The following ANKRD46 variants were observed in gnomAD, a reference collection of about 807,000 sequenced individuals.
ANKRD46 encodes ankyrin repeat domain 46.
A neutral mutation model predicts 19.8 loss-of-function variants in ANKRD46; 13 were observed. That is an observed-to-expected ratio of 0.66 (90% CI 0.43 to 1.04). The LOEUF (loss-of-function observed/expected upper bound fraction) is 1.04, where lower values mean the gene tolerates loss of function less well. ANKRD46 is among the 50% of genes least tolerant of loss of function. The pLI is 0.00. For missense variants in ANKRD46, 185 were observed against 274.8 expected (o/e 0.67, Z 2.31); for synonymous variants, 91 against 106.9 (o/e 0.85, Z 0.92).
intron 1 of ANKRD46, among the ~76,000 whole-genome samples, chr8:100,555,328 G>A (rs1056572927): frequency 8.7e-5 from 13 of 149,972 alleles, no homozygotes; most frequent in African/African-American, 2.7e-4. Flanking sequence ...AAGCAAAGAG[G>A]TGCACTAGAT....
intron 1 of ANKRD46, among the ~76,000 whole-genome samples, chr8:100,538,921 C>A (rs1421547237): frequency 6.6e-6 from 1 of 152,134 alleles, no homozygotes; most frequent in Non-Finnish European, 1.5e-5. Context: ...CATAATTTTA[C>A]TGAATTCCTT....
chr8:100,539,092 C>T (rs145224711), intron 1 of ANKRD46, among the ~76,000 whole-genome samples: 80 of 152,282 alleles, frequency 5.3e-4, no homozygotes, highest in African/African-American at 1.9e-3. Flanking sequence ...TTTACTGTGA[C>T]GTCAATCTTG....
downstream of ANKRD46, among the ~76,000 whole-genome samples, chr8:100,518,622 C>T (rs183411571): frequency 6.6e-6 from 1 of 152,096 alleles, no homozygotes; most frequent in African/African-American, 2.4e-5. Context: ...GAGGCCGAGG[C>T]GGGTGGATCA....
At position 100,558,728 on chromosome 8, in the gene ANKRD46, G is replaced by C. The variant is rs1031365219; in HGVS notation, c.-131+983C>G. ...CAGACGCAGGGATACTGAAGTAAGG[G>C]AGATGAGACCAAATCTCGCTCAGCC... is the stretch of plus-strand genomic sequence containing the variant. On this transcript the variant is annotated intron_variant, in intron 1 of 4. Transcript: ENST00000335659. Among the ~76,000 whole-genome samples, 3 of 152,214 alleles carry C rather than the reference G, an allele frequency of 2.0e-5. No individual in the cohort carries two copies. The East Asian group carries it at 5.8e-4, about 29-fold the overall frequency.
chr8:100,525,727 A>C lies in ANKRD46; in HGVS notation c.470+2118T>G, dbSNP rs139466698. On this transcript the variant is annotated intron_variant, in intron 4 of 4. Coordinates refer to ENST00000335659, the MANE Select transcript of ANKRD46 (RefSeq NM_001270377.2). This position sits in a 1 kb window ranked among gnomAD's most constrained non-coding sequence, Gnocchi z 4.4. ...ATTCATATATAAGTTTTGTGTGGAC[A>C]TATGTTTCAATTTTCTTTGGTATAT... is the stretch of plus-strand genomic sequence containing the variant. Among the ~76,000 whole-genome samples the C allele has an allele frequency of 5.8e-4, 88 of 152,318 alleles. 1 individual carries two copies. The highest frequency in any genetic ancestry group is 2.1e-3 in the African/African-American group (87 of 41,568).
Position 100,529,383 on chromosome 8 carries a change from G to T in ANKRD46, c.311+140C>A. 1 of 918,460 alleles carries T rather than the reference G, an allele frequency of 1.1e-6. No individual in the cohort carries two copies. The highest frequency in any genetic ancestry group is 1.6e-6 in the Non-Finnish European group (1 of 627,956). 56.9% of individuals were successfully genotyped at this position (918,460 alleles called of 1,614,324 possible). A position where few individuals can be genotyped will look rare whatever the true frequency, so the allele number is the denominator to read the frequency against. ...CCTCATTCCCTCACTTGCCTAACAG[G>T]ATTACACTGTCTTCAATGCTTTCTG... On this transcript the variant is annotated intron_variant, in intron 3 of 4. Transcript: ENST00000335659. The surrounding 1 kb of genome is among the most constrained non-coding windows in gnomAD (Gnocchi z 5.8).
downstream of ANKRD46, among the ~76,000 whole-genome samples, chr8:100,519,639 CAT>C (rs1291088803): frequency 2.0e-5 from 3 of 152,166 alleles, no homozygotes; most frequent in Admixed American, 2.0e-4. Context: ...GAAATAAAAA[CAT>C]AGAAACCAAA....
At position 100,545,826 on chromosome 8, in the gene ANKRD46, G is replaced by A. The variant is rs1812262719; in HGVS notation, c.-130-12515C>T. Among the ~76,000 whole-genome samples the A allele has an allele frequency of 6.6e-6, 1 of 152,190 alleles. No individual in the cohort carries two copies. The highest frequency in any genetic ancestry group is 6.5e-5 in the Admixed American group (1 of 15,274). On this transcript the variant is annotated intron_variant, in intron 1 of 4. Transcript: ENST00000335659. The surrounding 1 kb of genome is among the most constrained non-coding windows in gnomAD (Gnocchi z 4.7). ...CTGAGGTGGTCTCAGAAAGAGATGA[G>A]GGACTTTTTGGGAACTGGAGTAAAG...
chr8:100,512,383 T>G (rs1286511980), intron 5 of ANKRD46, among the ~76,000 whole-genome samples: 2 of 152,192 alleles, frequency 1.3e-5, no homozygotes, highest in Non-Finnish European at 2.9e-5. Flanking sequence ...CTCTTTCCAC[T>G]GGGGACTGGG....
At chr8:100,554,946 C>G (rs896387571) in intron 1 of ANKRD46, among the ~76,000 whole-genome samples, 1 of 147,212 alleles carries the variant, frequency 6.8e-6, no homozygotes, top group Non-Finnish European at 1.5e-5. Context: ...GCAGGAGAAT[C>G]GTTTGATGCA....
At chr8:100,542,613 C>T (rs577330936) in intron 1 of ANKRD46, among the ~76,000 whole-genome samples, 20 of 152,076 alleles carry the variant, frequency 1.3e-4, no homozygotes, top group Non-Finnish European at 2.5e-4. Context: ...CTAGGGGTAA[C>T]CTATTTTGGG....
At position 100,539,196 on chromosome 8, in the gene ANKRD46, T is replaced by G. The variant is rs548269582; in HGVS notation, c.-130-5885A>C. Among the ~76,000 whole-genome samples, 3 of 152,294 alleles carry G rather than the reference T, an allele frequency of 2.0e-5. No individual in the cohort carries two copies. In the South Asian group the frequency reaches 6.2e-4, roughly 32 times the overall value. On this transcript the variant is annotated intron_variant, in intron 1 of 4. Coordinates refer to ENST00000335659, the MANE Select transcript of ANKRD46 (RefSeq NM_001270377.2). ...TGGACTTAAGTTCCTTATTTCTCTATTTTTTGGAAAATTGTATTAGAAGGG... is the reference window on the plus strand; with the variant it reads ...TGGACTTAAGTTCCTTATTTCTCTAGTTTTTGGAAAATTGTATTAGAAGGG...
Position 100,528,100 on chromosome 8 carries a change from T to C in ANKRD46, c.312-97A>G, listed in dbSNP as rs999913354. 9.4e-6 allele frequency: 12 copies of C among 1,281,656 alleles called. No homozygotes were observed. In the African/African-American group the frequency reaches 1.8e-4, roughly 20 times the overall value. 79.4% of individuals were successfully genotyped at this position (1,281,656 alleles called of 1,614,324 possible). On this transcript the variant is annotated intron_variant, in intron 3 of 4. Transcript: ENST00000335659. ...GTTCCATTTTTAGTACCCACTTATA[T>C]AGATCTCAGTGAAGAAAGAATGGGC...
At chr8:100,555,722 T>TTAAAAAA (rs1812483342) in intron 1 of ANKRD46, among the ~76,000 whole-genome samples, 1 of 53,264 alleles carries the variant, frequency 1.9e-5, no homozygotes, top group Non-Finnish European at 3.3e-5. Flanking sequence ...TTTCCTCAGC[T>TTAAAAAA]AAAAAAAAAA....
chr8:100,519,212 G>A (rs1352630993), downstream of ANKRD46, among the ~76,000 whole-genome samples: 1 of 152,194 alleles, frequency 6.6e-6, no homozygotes, highest in Admixed American at 6.5e-5. Flanking sequence ...TAAGGGTACT[G>A]GTTGGTTTGA....
At chr8:100,539,183 C>T (rs1459009002) in intron 1 of ANKRD46, among the ~76,000 whole-genome samples, 3 of 152,116 alleles carry the variant, frequency 2.0e-5, no homozygotes, top group Admixed American at 6.5e-5. Flanking sequence ...GACTTAAGTT[C>T]CTTATTTCTC....
chr8:100,546,446 T>C lies in ANKRD46; in HGVS notation c.-130-13135A>G, dbSNP rs892694412. Among the ~76,000 whole-genome samples the C allele has an allele frequency of 1.3e-5, 2 of 152,348 alleles. No individual in the cohort carries two copies. Among genetic ancestry groups the C allele is most frequent in the Non-Finnish European group, 1.5e-5 (1 of 68,024 alleles). ...GGGCCCCAAGCCTTGGCAGCTTCCA[T>C]GTGGTGTTGGGCCTGTAGGTGTGCA... On this transcript the variant is annotated intron_variant, in intron 1 of 4. Transcript: ENST00000335659. The surrounding 1 kb of genome is among the most constrained non-coding windows in gnomAD (Gnocchi z 4.0).
chr8:100,549,695 CATT>C (rs766765416), intron 1 of ANKRD46, among the ~76,000 whole-genome samples: 63 of 152,198 alleles, frequency 4.1e-4, no homozygotes, highest in Non-Finnish European at 3.2e-4. Flanking sequence ...ACTAACACAT[CATT>C]ATCACCCAGA....
At chr8:100,528,464 A>G (rs1010355631) in intron 3 of ANKRD46, among the ~76,000 whole-genome samples, 2 of 152,118 alleles carry the variant, frequency 1.3e-5, no homozygotes, top group African/African-American at 2.4e-5. Context: ...AGTAAAACCC[A>G]GAGCTGAGCC....
Sources: allele counts gnomAD v4.1 joint callset (sites outside exome capture counted in the v4.1 genomes callset), GRCh38; gene constraint gnomAD v4.1.1; non-coding constraint Gnocchi (gnomAD v3.1); transcripts MANE v1.5; gene names NCBI Gene and HGNC (gene_info 2026-07-23, HGNC 2026-07-21).